ATXN8OS: variants seen among roughly 807,000 people sequenced by gnomAD.
The protein encoded by ATXN8OS is ATXN8 opposite strand (non-protein coding).
chr13:70,132,627 T>TA (rs1284168157), intron 3 of ATXN8OS, among the ~76,000 whole-genome samples: 1 of 151,686 alleles, frequency 6.6e-6, no homozygotes, highest in East Asian at 1.9e-4. Flanking sequence ...AGTTGAAAAT[T>TA]AAAAATATAT....
intron 2 of ATXN8OS, among the ~76,000 whole-genome samples, chr13:70,117,319 C>T (rs1187395871): frequency 1.3e-5 from 2 of 151,834 alleles, no homozygotes; most frequent in Non-Finnish European, 2.9e-5. Context: ...CTATATATAC[C>T]TATATCAAAA....
intron 3 of ATXN8OS, among the ~76,000 whole-genome samples, chr13:70,135,048 G>A (rs575931743): frequency 7.2e-5 from 11 of 152,296 alleles, no homozygotes; most frequent in Non-Finnish European, 7.3e-5. Context: ...CTGCAAGGAC[G>A]AGACTACCTA....
At chr13:70,139,356 A>G (rs1413817622) in intron 3 of ATXN8OS, 6 of 514,816 alleles carry the variant, frequency 1.2e-5, no homozygotes, top group African/African-American at 2.6e-5. Context: ...TGGCTTTACT[A>G]CTACTACTAC....
chr13:70,128,418 T>C (rs1316126837), intron 2 of ATXN8OS, among the ~76,000 whole-genome samples: 1 of 152,112 alleles, frequency 6.6e-6, no homozygotes, highest in Admixed American at 6.6e-5. Context: ...CTTAACTCTG[T>C]TGAAGGAATC....
intron 3 of ATXN8OS, among the ~76,000 whole-genome samples, chr13:70,130,103 AC>A (rs1359121294): frequency 3.9e-5 from 6 of 152,210 alleles, no homozygotes; most frequent in Non-Finnish European, 7.4e-5. Flanking sequence ...TCTAAGCTTC[AC>A]TAAGTATCCA....
chr13:70,151,409 A>G lies in ATXN8OS; in HGVS notation n.573+3981A>G, dbSNP rs1036597831. 2.0e-5 allele frequency among the ~76,000 whole-genome samples: 3 copies of G among 152,140 alleles called. No individual in the cohort carries two copies. In the East Asian group the frequency reaches 5.8e-4, roughly 29 times the overall value. On this transcript the variant is annotated intron_variant and non_coding_transcript_variant, in intron 4 of 4. Coordinates refer to ENST00000678624, the Ensembl canonical transcript of ATXN8OS. ...GTATTTGTCTTTCTGTGACTGGCTT[A>G]TTTCACGCAACATAATATCCCCCAG... is the stretch of plus-strand genomic sequence containing the variant.
At chr13:70,153,161 G>C (rs1888893726) in intron 4 of ATXN8OS, among the ~76,000 whole-genome samples, 1 of 152,180 alleles carries the variant, frequency 6.6e-6, no homozygotes, top group East Asian at 1.9e-4. Context: ...ACATCTCTGA[G>C]AGCAGAGACA....
intron 3 of ATXN8OS, among the ~76,000 whole-genome samples, chr13:70,146,696 T>C (rs1593771971): frequency 3.5e-5 from 5 of 142,170 alleles, no homozygotes; most frequent in Admixed American, 2.4e-4. Context: ...TTCTCACTCA[T>C]AGGTGGGAAT....
chr13:70,125,063 C>T (rs1888411589), intron 2 of ATXN8OS, among the ~76,000 whole-genome samples: 1 of 151,812 alleles, frequency 6.6e-6, no homozygotes, highest in African/African-American at 2.4e-5. Flanking sequence ...CTTCGAATAT[C>T]AATTACACGA....
At chr13:70,150,479 A>G (rs1888852039) in intron 4 of ATXN8OS, among the ~76,000 whole-genome samples, 1 of 152,070 alleles carries the variant, frequency 6.6e-6, no homozygotes, top group Non-Finnish European at 1.5e-5. Context: ...CCAGAAAGAG[A>G]TTATAGTTTT....
rs148593972 is a variant in ATXN8OS at position 70,131,953 on chromosome 13, C to G, written n.499+2069C>G. ...AAGATATGAATACAGATACACTAGT[C>G]TAAACACGTTTGCATGGCACATACC... On this transcript the variant is annotated intron_variant and non_coding_transcript_variant, in intron 3 of 4. Coordinates refer to ENST00000678624, the Ensembl canonical transcript of ATXN8OS. Among the ~76,000 whole-genome samples the G allele has an allele frequency of 4.3e-3, 662 of 152,218 alleles. 3 individuals carry two copies. Among genetic ancestry groups the G allele is most frequent in the African/African-American group, 0.015 (626 of 41,536 alleles).
chr13:70,164,049 T>TTTATTATTA (rs750052822), intron 4 of ATXN8OS, among the ~76,000 whole-genome samples: 8 of 140,500 alleles, frequency 5.7e-5, no homozygotes, highest in East Asian at 4.1e-4. Context: ...GCTGGAAGTT[T>TTTATTATTA]TTATTCTTAT....
intron 3 of ATXN8OS, among the ~76,000 whole-genome samples, chr13:70,143,435 T>C (rs1475267386): frequency 2.0e-5 from 3 of 152,156 alleles, no homozygotes; most frequent in Non-Finnish European, 4.4e-5. Context: ...TTCCTTATTA[T>C]AAACCGATTT....
intron 4 of ATXN8OS, among the ~76,000 whole-genome samples, chr13:70,148,392 G>C (rs1015707823): frequency 5.3e-5 from 8 of 152,044 alleles, no homozygotes; most frequent in African/African-American, 1.9e-4. Flanking sequence ...AATCTCTTCT[G>C]TCAGTCTTAG....
chr13:70,124,876 T>A (rs1370689387), intron 2 of ATXN8OS, among the ~76,000 whole-genome samples: 3 of 152,048 alleles, frequency 2.0e-5, no homozygotes, highest in Non-Finnish European at 4.4e-5. Flanking sequence ...AAAGGATTTT[T>A]AATTTCTTCT....
At chr13:70,130,516 A>G (rs1218575124) in intron 3 of ATXN8OS, among the ~76,000 whole-genome samples, 2 of 152,188 alleles carry the variant, frequency 1.3e-5, no homozygotes, top group African/African-American at 4.8e-5. Context: ...AATGCGTGAT[A>G]CAGATATGCA....
intron 1 of ATXN8OS, among the ~76,000 whole-genome samples, chr13:70,111,251 T>A (rs1388086833): frequency 1.3e-5 from 2 of 152,214 alleles, no homozygotes; most frequent in Admixed American, 6.5e-5. Flanking sequence ...CAAAATTGGC[T>A]TTGGATCTGT....
intron 3 of ATXN8OS, chr13:70,130,589 G>A: frequency 2.5e-6 from 1 of 397,384 alleles, no homozygotes; most frequent in Non-Finnish European, 4.4e-6. Flanking sequence ...ACCAATGGTG[G>A]GTGTGAGTTG....
At position 70,145,610 on chromosome 13, in the gene ATXN8OS, G is replaced by A. The variant is rs1162796119; in HGVS notation, n.500-1745G>A. Among the ~76,000 whole-genome samples the A allele has an allele frequency of 5.3e-5, 8 of 152,154 alleles. No homozygotes were observed. In the East Asian group the frequency reaches 1.5e-3, roughly 29 times the overall value. On this transcript the variant is annotated intron_variant and non_coding_transcript_variant, in intron 3 of 4. Coordinates refer to ENST00000678624, the Ensembl canonical transcript of ATXN8OS. ...TCCTAGGTATTTTATTCTCTTTGAAGCAATTGTGAATGGTAGTTCACTCAT... is the reference window on the plus strand; with the variant it reads ...TCCTAGGTATTTTATTCTCTTTGAAACAATTGTGAATGGTAGTTCACTCAT...
Sources: gnomAD v4.1 joint callset for allele counts (sites outside exome capture counted in the v4.1 genomes callset) on GRCh38, gnomAD v4.1.1 for gene constraint, MANE v1.5 for transcripts, NCBI Gene and HGNC (gene_info 2026-07-23, HGNC 2026-07-21) for gene names.